Variants in KIF24 observed in about 807,000 individuals in gnomAD.
KIF24 encodes kinesin family member 24.
In KIF24, 81 loss-of-function variants were observed where a neutral mutation model predicts 118.9. The observed-to-expected ratio is 0.68, with a 90% confidence interval of 0.57 to 0.82. The LOEUF is 0.82. Ranked by LOEUF, KIF24 falls within the 40% of genes least tolerant of loss-of-function variation. The probability of loss-of-function intolerance (pLI) is 0.00; values close to 1 mark genes in which losing one functional copy is unlikely to be tolerated. For synonymous variants in KIF24, 599 were observed against 610.0 expected (o/e 0.98, Z 0.27); for missense variants, 1,560 against 1,661.6 (o/e 0.94, Z 1.06).
At chr9:34,267,746 T>C (rs1182168595) in intron 8 of KIF24, among the ~76,000 whole-genome samples, 2 of 152,210 alleles carry the variant, frequency 1.3e-5, no homozygotes, top group Non-Finnish European at 2.9e-5. Context: ...TTAGAGCATA[T>C]CTTAATTCAG....
chr9:34,289,209 G>T (rs1040829994), intron 5 of KIF24, among the ~76,000 whole-genome samples: 8 of 152,128 alleles, frequency 5.3e-5, no homozygotes, highest in African/African-American at 1.9e-4. Context: ...CCACTCGCTG[G>T]CTTCTCCAGT....
chr9:34,271,491 T>TC (rs1401726950), intron 7 of KIF24, among the ~76,000 whole-genome samples: 1 of 152,178 alleles, frequency 6.6e-6, no homozygotes, highest in Non-Finnish European at 1.5e-5. Context: ...ATTAATCTTC[T>TC]CCCCCTACCT....
At chr9:34,321,980 T>C (rs1322906997) in intron 1 of KIF24, among the ~76,000 whole-genome samples, 2 of 152,220 alleles carry the variant, frequency 1.3e-5, no homozygotes, top group Non-Finnish European at 2.9e-5. Context: ...ATCTAATCTG[T>C]AGCTGATCTA....
chr9:34,318,609 T>C lies in KIF24; in HGVS notation c.-25-7238A>G. On this transcript the variant is annotated intron_variant, in intron 1 of 12. Coordinates refer to ENST00000402558, the MANE Select transcript of KIF24 (RefSeq NM_194313.4). This position sits in a 1 kb window ranked among gnomAD's most constrained non-coding sequence, Gnocchi z 4.9. ...GACCAGGCGGTGGAGAACATCCTGGTGTCGCCCGTGGTGGTGGCCTCGTCG... is the reference window on the plus strand; with the variant it reads ...GACCAGGCGGTGGAGAACATCCTGGCGTCGCCCGTGGTGGTGGCCTCGTCG... 7 of 1,479,674 alleles carry C rather than the reference T, an allele frequency of 4.7e-6. No homozygotes were observed. The highest frequency in any genetic ancestry group is 1.4e-5 in the African/African-American group (1 of 73,768). 91.7% of individuals were successfully genotyped at this position (1,479,674 alleles called of 1,614,324 possible). A position where few individuals can be genotyped will look rare whatever the true frequency, so the allele number is the denominator to read the frequency against.
At chr9:34,305,381 G>A (rs966078315) in intron 3 of KIF24, among the ~76,000 whole-genome samples, 2 of 152,108 alleles carry the variant, frequency 1.3e-5, no homozygotes. Context: ...TTAAGTATAA[G>A]CCCAAGACAG....
rs1385663071 is a variant in KIF24, at chr9:34,291,486, A to C, written c.912-1097T>G. Among the ~76,000 whole-genome samples, 6 of 152,224 alleles carry C rather than the reference A, an allele frequency of 3.9e-5. No homozygotes were observed. The East Asian group carries it at 1.2e-3, about 29-fold the overall frequency. ...TCTAAGTAGTAGTAGATTGGTTTCT[A>C]AGATCCCTTCCAGTTGTGATGCCCT... On this transcript the variant is annotated intron_variant, in intron 4 of 12. Coordinates refer to ENST00000402558, the MANE Select transcript of KIF24 (RefSeq NM_194313.4).
intron 8 of KIF24, 57 bp from the exon 9 acceptor site, chr9:34,263,229 C>A (rs1835161242): frequency 8.4e-7 from 1 of 1,186,888 alleles, no homozygotes; most frequent in Admixed American, 1.8e-5. Context: ...GAGTAACAGA[C>A]CTGATGCCGC....
At chr9:34,297,185 G>A (rs1186347168) in intron 3 of KIF24, 71 bp from the exon 4 acceptor site, 9 of 851,844 alleles carry the variant, frequency 1.1e-5, no homozygotes, top group Non-Finnish European at 1.7e-5. Flanking sequence ...CTAGTTAACA[G>A]ATGATAAATG....
intron 8 of KIF24, among the ~76,000 whole-genome samples, chr9:34,267,915 T>C (rs1835353246): frequency 6.6e-6 from 1 of 152,176 alleles, no homozygotes; most frequent in African/African-American, 2.4e-5. Flanking sequence ...GTACAGAATG[T>C]GGCAAATCTT....
chr9:34,320,433 G>A (rs370628808), intron 1 of KIF24, among the ~76,000 whole-genome samples: 72 of 151,558 alleles, frequency 4.8e-4, no homozygotes, highest in African/African-American at 1.7e-3. Context: ...AGAGGCAAGC[G>A]GATCACCTGA....
chr9:34,330,985 CT>C (rs1290269700), upstream of KIF24, among the ~76,000 whole-genome samples: 1 of 151,970 alleles, frequency 6.6e-6, no homozygotes, highest in Non-Finnish European at 1.5e-5. Context: ...AGCTATTATT[CT>C]TATAATAAGA....
intron 2 of KIF24, among the ~76,000 whole-genome samples, chr9:34,307,923 G>C (rs114891051): frequency 1.6e-3 from 241 of 151,670 alleles, no homozygotes; most frequent in African/African-American, 5.4e-3. Context: ...TTGGGATTCA[G>C]TGTTCTATTT....
chr9:34,280,256 C>A (rs1208860152), intron 6 of KIF24, among the ~76,000 whole-genome samples: 1 of 129,256 alleles, frequency 7.7e-6, no homozygotes, highest in Non-Finnish European at 1.5e-5. Context: ...TGCACTCCAA[C>A]CTGGGCGACA....
At position 34,318,649 on chromosome 9, in the gene KIF24, G is replaced by C; in HGVS notation, c.-25-7278C>G. Reference sequence around the variant, plus strand: ...TGGCCTCGTCGTTGGGGCTCGTGTCGCTGGGCGGCAAGGCGACCACGGCGT... The same window carrying C: ...TGGCCTCGTCGTTGGGGCTCGTGTCCCTGGGCGGCAAGGCGACCACGGCGT... On this transcript the variant is annotated intron_variant, in intron 1 of 12. Transcript: ENST00000402558. This position sits in a 1 kb window ranked among gnomAD's most constrained non-coding sequence, Gnocchi z 4.9. 1 of 1,540,696 alleles carries C rather than the reference G, an allele frequency of 6.5e-7. No individual in the cohort carries two copies.
rs146882840 is a variant in KIF24, at chr9:34,254,386, C to T, written c.4101G>A (p.Pro1367=). ...CTCGGCACAGGGTCTGGCTCTAAGA[C>T]GGCACTGTTCCCTCAGGGGCTGCGG... The part of the protein sequence containing the change: ...GPTAAPEGTV[P]S Residue 1367 remains proline (P), a synonymous_variant, in exon 13 of 13, where the codon CCG becomes CCA. Coordinates refer to ENST00000402558, the MANE Select transcript of KIF24 (RefSeq NM_194313.4). 1.2e-4 allele frequency: 193 copies of T among 1,612,742 alleles called. 1 individual carries two copies. The Middle Eastern group carries it at 1.4e-3, about 12-fold the overall frequency.
At chr9:34,263,589 C>T (rs1695342746) in intron 8 of KIF24, among the ~76,000 whole-genome samples, 1 of 152,166 alleles carries the variant, frequency 6.6e-6, no homozygotes, top group African/African-American at 2.4e-5. Context: ...CCACTCCCTG[C>T]TCACACATGC....
intron 1 of KIF24, among the ~76,000 whole-genome samples, chr9:34,328,678 A>G (rs1291601236): frequency 6.6e-6 from 1 of 151,706 alleles, no homozygotes; most frequent in Non-Finnish European, 1.5e-5. Flanking sequence ...CTGAAAATCT[A>G]CTATGTGCAA....
rs1180833326 is a variant in KIF24, at chr9:34,321,420, T to C, written c.-26+7686A>G. Among the ~76,000 whole-genome samples the C allele has an allele frequency of 2.6e-5, 4 of 152,022 alleles. No homozygotes were observed. The East Asian group carries it at 5.8e-4, about 22-fold the overall frequency. ...TTCTTCAAGTTTAAAATTGAAATAA[T>C]GTATACAGGCATTGACAGTAAAATT... On this transcript the variant is annotated intron_variant, in intron 1 of 12. Coordinates refer to ENST00000402558, the MANE Select transcript of KIF24 (RefSeq NM_194313.4).
intron 2 of KIF24, among the ~76,000 whole-genome samples, chr9:34,308,397 C>T (rs1038178773): frequency 6.6e-6 from 1 of 151,936 alleles, no homozygotes; most frequent in African/African-American, 2.4e-5. Flanking sequence ...GATTTTCCTA[C>T]CTCAGCCTCT....
Sources: allele counts gnomAD v4.1 joint callset (sites outside exome capture counted in the v4.1 genomes callset), GRCh38; gene constraint gnomAD v4.1.1; non-coding constraint Gnocchi (gnomAD v3.1); transcripts MANE v1.5; gene names NCBI Gene and HGNC (gene_info 2026-07-23, HGNC 2026-07-21).